ARHGAP18: variants seen among roughly 807,000 people sequenced by gnomAD.
ARHGAP18 encodes Rho GTPase activating protein 18.
In ARHGAP18, 67 loss-of-function variants were observed where a neutral mutation model predicts 86.2. The observed-to-expected ratio is 0.78, with a 90% confidence interval of 0.64 to 0.95. ARHGAP18 has a LOEUF of 0.95. Among genes scored for constraint, ARHGAP18 ranks in the 40% least tolerant of loss-of-function variants. The probability of loss-of-function intolerance (pLI) is 0.00; values close to 1 mark genes in which losing one functional copy is unlikely to be tolerated. For synonymous variants in ARHGAP18, 283 were observed against 280.4 expected (o/e 1.01, Z -0.09); for missense variants, 691 against 780.4 (o/e 0.89, Z 1.37).
Position 129,616,237 on chromosome 6 carries a change from A to T in ARHGAP18, c.1019T>A (p.Met340Lys). The T allele has an allele frequency of 6.2e-7, 1 of 1,611,710 alleles. No homozygotes were observed. The highest frequency in any genetic ancestry group is 8.5e-7 in the Non-Finnish European group (1 of 1,178,690). Residue 340 changes from methionine (M) to lysine (K), a missense_variant, in exon 7 of 15, where the codon ATG (methionine) becomes AAG (lysine). Coordinates refer to ENST00000368149, the MANE Select transcript of ARHGAP18 (RefSeq NM_033515.3). ...LEQDQRKVPG[M>K]RIPLIFQKLI... ...TTTTTGAAAGATCAAGGGTATTCGC[A>T]TTCCTGGTACTTTCCTCTGATCTTG...
At chr6:129,707,692 CG>C (rs1774825065) in intron 1 of ARHGAP18, among the ~76,000 whole-genome samples, 1 of 135,772 alleles carries the variant, frequency 7.4e-6, no homozygotes, top group Non-Finnish European at 1.6e-5. Context: ...GCTGTGGGGG[CG>C]GGGGTCTTTT....
intron 12 of ARHGAP18, among the ~76,000 whole-genome samples, chr6:129,592,301 C>T (rs1313269571): frequency 6.6e-6 from 1 of 152,154 alleles, no homozygotes; most frequent in African/African-American, 2.4e-5. Context: ...TAAATGAAAT[C>T]AGAGATGCAA....
chr6:129,643,911 C>T (rs1293321179), intron 1 of ARHGAP18, among the ~76,000 whole-genome samples: 2 of 152,148 alleles, frequency 1.3e-5, no homozygotes, highest in Non-Finnish European at 2.9e-5. Context: ...AGGCAAGGAA[C>T]TTAATTGTTT....
intron 12 of ARHGAP18, among the ~76,000 whole-genome samples, chr6:129,598,384 C>T (rs766701064): frequency 5.9e-5 from 9 of 152,060 alleles, no homozygotes; most frequent in East Asian, 1.9e-4. Context: ...AGGCCAAAAC[C>T]GAAAATTCAG....
intron 1 of ARHGAP18, among the ~76,000 whole-genome samples, chr6:129,675,150 G>A (rs1774207972): frequency 6.6e-6 from 1 of 152,152 alleles, no homozygotes; most frequent in Non-Finnish European, 1.5e-5. Context: ...GACAAGTGGT[G>A]AAATAACGTG....
chr6:129,672,589 A>G (rs188991959), intron 1 of ARHGAP18, among the ~76,000 whole-genome samples: 1 of 152,290 alleles, frequency 6.6e-6, no homozygotes, highest in Non-Finnish European at 1.5e-5. Flanking sequence ...GTACGATTCT[A>G]TTCAGTGTAG....
intron 1 of ARHGAP18, among the ~76,000 whole-genome samples, chr6:129,644,548 TC>T (rs1773541232): frequency 2.2e-5 from 3 of 135,610 alleles, no homozygotes; most frequent in African/African-American, 1.2e-4. Context: ...CCTTTTGTTT[TC>T]TCTCTCATAG....
At chr6:129,706,146 G>A (rs1188201857) in intron 1 of ARHGAP18, among the ~76,000 whole-genome samples, 2 of 152,154 alleles carry the variant, frequency 1.3e-5, no homozygotes, top group Non-Finnish European at 2.9e-5. Context: ...AATATGCAAA[G>A]CAAACAACCA....
At chr6:129,653,081 A>G (rs1362567387) in intron 1 of ARHGAP18, among the ~76,000 whole-genome samples, 1 of 152,286 alleles carries the variant, frequency 6.6e-6, no homozygotes, top group Admixed American at 6.5e-5. Flanking sequence ...TTATTATTAA[A>G]CTCTTCTCAG....
intron 1 of ARHGAP18, among the ~76,000 whole-genome samples, chr6:129,648,389 C>G (rs1773627773): frequency 6.6e-6 from 1 of 151,844 alleles, no homozygotes; most frequent in Admixed American, 6.6e-5. Flanking sequence ...GTCTGGAACT[C>G]CTGGCCTCAG....
chr6:129,600,566 AAATT>A, intron 11 of ARHGAP18, 72 bp downstream of exon 11: 1 of 1,247,042 alleles, frequency 8.0e-7, no homozygotes, highest in Non-Finnish European at 1.1e-6. Flanking sequence ...TTTTAAATGT[AAATT>A]AATAAAGCTA....
In ARHGAP18 at chr6:129,641,798, T is replaced by C; in HGVS notation, c.316+18A>G. ...ATACATATACAAACAACAAAAGCTT[T>C]ATTTAGTTAGTTATTACCATCAGGC... On this transcript the variant is annotated intron_variant, in intron 2 of 14. Transcript: ENST00000368149. 6.3e-7 allele frequency: 1 copy of C among 1,598,592 alleles called. No individual in the cohort carries two copies. Among genetic ancestry groups the C allele is most frequent in the Middle Eastern group, 2.0e-4 (1 of 5,074 alleles).
chr6:129,615,702 G>A (rs1187401643), intron 7 of ARHGAP18, among the ~76,000 whole-genome samples: 2 of 152,092 alleles, frequency 1.3e-5, no homozygotes, highest in African/African-American at 2.4e-5. Flanking sequence ...TTTTTATATT[G>A]CCACAGATAA....
chr6:129,610,670 C>T (rs534699244), intron 8 of ARHGAP18, among the ~76,000 whole-genome samples: 123 of 152,166 alleles, frequency 8.1e-4, no homozygotes, highest in Admixed American at 1.4e-3. Context: ...CACTGTTGCC[C>T]GGGCTGGAGT....
intron 8 of ARHGAP18, among the ~76,000 whole-genome samples, chr6:129,609,021 G>A (rs1788919046): frequency 6.7e-6 from 1 of 150,190 alleles, no homozygotes; most frequent in Non-Finnish European, 1.5e-5. Context: ...AAAAAGAGGA[G>A]GGAGGAAAAG....
chr6:129,654,950 A>T (rs1773795485), intron 1 of ARHGAP18, among the ~76,000 whole-genome samples: 1 of 152,326 alleles, frequency 6.6e-6, no homozygotes, highest in Admixed American at 6.5e-5. Flanking sequence ...TTGTCAGGAA[A>T]GAGAGGTGGA....
At chr6:129,596,373 C>T (rs772172792) in intron 12 of ARHGAP18, among the ~76,000 whole-genome samples, 2 of 152,154 alleles carry the variant, frequency 1.3e-5, no homozygotes, top group Non-Finnish European at 2.9e-5. Flanking sequence ...CACAACTCAA[C>T]TCCCTGCCCT....
intron 10 of ARHGAP18, among the ~76,000 whole-genome samples, chr6:129,604,894 A>G (rs760536159): frequency 6.6e-6 from 1 of 152,194 alleles, no homozygotes; most frequent in African/African-American, 2.4e-5. Context: ...ATTAATATTC[A>G]TTCCATGGGC....
intron 13 of ARHGAP18, among the ~76,000 whole-genome samples, chr6:129,581,335 C>T (rs1487183608): frequency 3.3e-5 from 5 of 152,158 alleles, no homozygotes; most frequent in Admixed American, 6.5e-5. Flanking sequence ...TATGTTCCAC[C>T]TGCTGCACTG....
Sources: allele counts gnomAD v4.1 joint callset (sites outside exome capture counted in the v4.1 genomes callset), GRCh38; gene constraint gnomAD v4.1.1; transcripts MANE v1.5; gene names NCBI Gene and HGNC (gene_info 2026-07-23, HGNC 2026-07-21).